The following TLN2 variants were observed in gnomAD, a reference collection of about 807,000 sequenced individuals.
TLN2 encodes the protein talin 2.
A neutral mutation model predicts 294.7 loss-of-function variants in TLN2; 118 were observed. That is an observed-to-expected ratio of 0.40 (90% CI 0.34 to 0.47). TLN2 has a LOEUF of 0.47. Among genes scored for constraint, TLN2 ranks in the 20% least tolerant of loss-of-function variants. The probability of loss-of-function intolerance (pLI) is 0.84; values close to 1 mark genes in which losing one functional copy is unlikely to be tolerated. For synonymous variants in TLN2, 1,431 were observed against 1,304.5 expected (o/e 1.10, Z -2.09); for missense variants, 3,083 against 3,282.2 (o/e 0.94, Z 1.48).
Position 62,772,520 on chromosome 15 carries a change from A to T in TLN2, c.5367+1386A>T, listed in dbSNP as rs1257934225. 2.0e-5 allele frequency among the ~76,000 whole-genome samples: 3 copies of T among 152,046 alleles called. No individual in the cohort carries two copies. The East Asian group carries it at 5.8e-4, about 29-fold the overall frequency. On this transcript the variant is annotated intron_variant, in intron 42 of 58. Transcript: ENST00000636159. ...CACCCTCAAAGGGGTGCCTCCCCCA[A>T]ACTGGAGGAGGCAGAACTTACCCTC...
At chr15:62,400,035 C>A (rs2032901831) in intron 1 of TLN2, among the ~76,000 whole-genome samples, 1 of 152,138 alleles carries the variant, frequency 6.6e-6, no homozygotes, top group Admixed American at 6.5e-5. Context: ...TCCCATAATC[C>A]CCACAGCAGT....
At chr15:62,693,225 G>A (rs939879631) in intron 13 of TLN2, among the ~76,000 whole-genome samples, 5 of 152,110 alleles carry the variant, frequency 3.3e-5, no homozygotes, top group Non-Finnish European at 7.4e-5. Flanking sequence ...CCAGTTACTC[G>A]GGAGGTGGAG....
chr15:62,803,347 T>A (rs1353327133), intron 50 of TLN2, among the ~76,000 whole-genome samples: 1 of 152,226 alleles, frequency 6.6e-6, no homozygotes, highest in Non-Finnish European at 1.5e-5. Context: ...TTCTTGTACT[T>A]GGATATTGAT....
chr15:62,412,932 C>G (rs1198264345), intron 1 of TLN2, among the ~76,000 whole-genome samples: 1 of 152,184 alleles, frequency 6.6e-6, no homozygotes, highest in Non-Finnish European at 1.5e-5. Context: ...GGGAAACTCT[C>G]CTGGGGGCTC....
chr15:62,437,773 G>C (rs1453163697), intron 1 of TLN2, among the ~76,000 whole-genome samples: 1 of 151,026 alleles, frequency 6.6e-6, no homozygotes, highest in Non-Finnish European at 1.5e-5. Flanking sequence ...GTGTGTGTGT[G>C]TCTGTCTGTC....
chr15:62,412,861 A>G (rs2033854241), intron 1 of TLN2, among the ~76,000 whole-genome samples: 1 of 152,212 alleles, frequency 6.6e-6, no homozygotes, highest in Non-Finnish European at 1.5e-5. Context: ...TTAGAAGCTT[A>G]TTTGAGGAAC....
intron 1 of TLN2, among the ~76,000 whole-genome samples, chr15:62,498,024 G>C (rs2039099044): frequency 6.6e-6 from 1 of 151,922 alleles, no homozygotes; most frequent in Non-Finnish European, 1.5e-5. Flanking sequence ...AGGGTGGGCA[G>C]ATCGCTTGAG....
chr15:62,475,398 A>T (rs1375198754), intron 1 of TLN2, among the ~76,000 whole-genome samples: 1 of 152,170 alleles, frequency 6.6e-6, no homozygotes, highest in Non-Finnish European at 1.5e-5. Flanking sequence ...GTTAGGTGTG[A>T]TCTGCTCGAG....
At chr15:62,734,706 T>C (rs1329258642) in intron 28 of TLN2, among the ~76,000 whole-genome samples, 1 of 152,258 alleles carries the variant, frequency 6.6e-6, no homozygotes, top group Non-Finnish European at 1.5e-5. Flanking sequence ...GGATAAATGA[T>C]AGATTGGCAG....
intron 9 of TLN2, among the ~76,000 whole-genome samples, chr15:62,662,975 C>T (rs1173010618): frequency 6.6e-6 from 1 of 151,772 alleles, no homozygotes; most frequent in Admixed American, 6.6e-5. Context: ...AGGTGCCTGC[C>T]ACCACGCCCG....
chr15:62,746,707 A>G (rs930823731), intron 32 of TLN2, among the ~76,000 whole-genome samples: 1 of 152,192 alleles, frequency 6.6e-6, no homozygotes, highest in African/African-American at 2.4e-5. Context: ...ATATGTGCCT[A>G]TTTTATTTTT....
chr15:62,394,734 C>G (rs754445387), intron 1 of TLN2, among the ~76,000 whole-genome samples: 14 of 152,166 alleles, frequency 9.2e-5, no homozygotes, highest in Non-Finnish European at 1.8e-4. Flanking sequence ...AGATAACATG[C>G]TTAAGGTAGA....
intron 13 of TLN2, among the ~76,000 whole-genome samples, chr15:62,694,043 A>G (rs1173999252): frequency 7.1e-6 from 1 of 140,658 alleles, no homozygotes; most frequent in Non-Finnish European, 1.5e-5. Context: ...GTCTCGGCTC[A>G]CTGCAGGCTC....
At chr15:62,446,254 A>G (rs1248513250) in intron 1 of TLN2, among the ~76,000 whole-genome samples, 1 of 152,136 alleles carries the variant, frequency 6.6e-6, no homozygotes, top group African/African-American at 2.4e-5. Flanking sequence ...CGTCTCCCCA[A>G]AGTGCTGGGA....
chr15:62,450,685 C>T (rs1200372574), intron 1 of TLN2, among the ~76,000 whole-genome samples: 1 of 152,062 alleles, frequency 6.6e-6, no homozygotes, highest in Admixed American at 6.6e-5. Flanking sequence ...AGATATCCTC[C>T]TGCCTTAGCC....
At chr15:62,702,727 G>C in intron 18 of TLN2, 39 bp from the exon 19 acceptor site, 1 of 1,585,664 alleles carries the variant, frequency 6.3e-7, no homozygotes. Context: ...TGGAGGAAAT[G>C]CGTTTTCTTT....
At chr15:62,690,706 A>C (rs555603326) in intron 12 of TLN2, among the ~76,000 whole-genome samples, 1,587 of 148,832 alleles carry the variant, frequency 0.011, 141 homozygotes, top group African/African-American at 0.039. Flanking sequence ...ACGCCACTGC[A>C]CTCCAGCCTC....
At chr15:62,560,126 G>A (rs1282950886) in intron 1 of TLN2, among the ~76,000 whole-genome samples, 1 of 152,182 alleles carries the variant, frequency 6.6e-6, no homozygotes, top group East Asian at 1.9e-4. Flanking sequence ...CAGGTCCCTG[G>A]GGACCAAAGG....
chr15:62,816,245 T>C lies in TLN2; in HGVS notation c.6772-3271T>C, dbSNP rs556169962. Among the ~76,000 whole-genome samples, 3 of 152,362 alleles carry C rather than the reference T, an allele frequency of 2.0e-5. No homozygotes were observed. The East Asian group carries it at 5.8e-4, about 29-fold the overall frequency. On this transcript the variant is annotated intron_variant, in intron 52 of 58. Transcript: ENST00000636159. ...GATGTTTTAGAGATGTCCATTTGAA[T>C]GATGGTGGCCTCCTGCGTTTGCTGT... is the stretch of plus-strand genomic sequence containing the variant.
Sources: allele counts gnomAD v4.1 joint callset (sites outside exome capture counted in the v4.1 genomes callset), GRCh38; gene constraint gnomAD v4.1.1; transcripts MANE v1.5; gene names NCBI Gene and HGNC (gene_info 2026-07-23, HGNC 2026-07-21).